Variants in RANBP6 observed in about 807,000 individuals in gnomAD.
RANBP6 encodes ran-binding protein 6.
RANBP6 carries 10 observed loss-of-function variants against 35.3 expected under a neutral mutation model. The ratio of observed to expected loss-of-function variants is 0.28; its 90% CI spans 0.17 to 0.48. RANBP6 has a LOEUF of 0.48. RANBP6 is among the 20% of genes least tolerant of loss of function. The pLI is 0.99. For synonymous variants in RANBP6, 514 were observed against 464.2 expected (o/e 1.11, Z -1.38); for missense variants, 1,392 against 1,307.7 (o/e 1.06, Z -0.99).
chr9:6,015,575 C>T lies in RANBP6; in HGVS notation c.33G>A (p.Ala11=). ...AAAACTCTTGCTTTTCTGACACGGT[C>T]GCCGGCACCCCTGCAGACGCGGTTG... The part of the protein sequence containing the change: MAATASAGVP[A]TVSEKQEFYQ... Residue 11 remains alanine, a synonymous_variant, in exon 1 of 1, where the codon GCG becomes GCA. Coordinates refer to ENST00000259569, the MANE Select transcript of RANBP6 (RefSeq NM_012416.4). 3 of 1,603,372 alleles carry T rather than the reference C, an allele frequency of 1.9e-6. No homozygotes were observed. The highest frequency in any genetic ancestry group is 2.2e-5 in the South Asian group (2 of 90,850).
At position 6,012,206 on chromosome 9, in the gene RANBP6, C is replaced by A; in HGVS notation, c.*84G>T. The A allele has an allele frequency of 3.7e-6, 4 of 1,073,236 alleles. No individual in the cohort carries two copies. The highest frequency in any genetic ancestry group is 5.2e-6 in the Non-Finnish European group (4 of 774,842). The allele number at this position is 1,073,236 out of a possible 1,614,324, so 66.5% of individuals were successfully genotyped here. On this transcript the variant is annotated 3_prime_UTR_variant, in exon 1 of 1. Transcript: ENST00000259569. ...ACTGCTTAGCAGGGAGAAAACAGTTCTCTGATTTATAATAAAATCTATTCA... is the reference window on the plus strand; with the variant it reads ...ACTGCTTAGCAGGGAGAAAACAGTTATCTGATTTATAATAAAATCTATTCA...
chr9:6,014,460 C>T lies in RANBP6; in HGVS notation c.1148G>A (p.Arg383Gln), dbSNP rs149409404. 1.9e-5 allele frequency: 30 copies of T among 1,614,064 alleles called. No homozygotes were observed. The highest frequency in any genetic ancestry group is 2.3e-5 in the Non-Finnish European group (27 of 1,180,060). ...AGATAAGGCCATTAATCCAGCATGT[C>T]GATACTTCCAGTCAGGGCTCTGAAG... is the stretch of plus-strand genomic sequence containing the variant. The part of the protein sequence containing the change: ...QMLQSPDWKY[R>Q]HAGLMALSAI... Residue 383 changes from arginine (R) to glutamine (Q), a missense_variant, in exon 1 of 1, where the codon CGA becomes CAA. Coordinates refer to ENST00000259569, the MANE Select transcript of RANBP6 (RefSeq NM_012416.4).
In RANBP6 at chr9:6,012,299, A is replaced by G. The variant is rs1348535222; in HGVS notation, c.3309T>C (p.Asn1103=). The change falls in exon 1 of 1, where the codon AAT becomes AAC. Residue 1103 remains asparagine, a synonymous_variant. Transcript: ENST00000259569. ...EQQEALQELL[N]FA is the part of the protein sequence containing the mutation. ...GTTATATTAAAGTGCTTCAAGCAAA[A>G]TTTAGCAACTCCTGTAAGGCTTCCT... 19 of 1,548,928 alleles carry G rather than the reference A, an allele frequency of 1.2e-5. No individual in the cohort carries two copies. Among genetic ancestry groups the G allele is most frequent in the Non-Finnish European group, 1.6e-5 (19 of 1,151,804 alleles).
rs1442961846 is a variant in RANBP6 at position 6,012,726 on chromosome 9, T to G, written c.2882A>C (p.Lys961Thr). 6.2e-7 allele frequency: 1 copy of G among 1,614,138 alleles called. No individual in the cohort carries two copies. The highest frequency in any genetic ancestry group is 1.1e-5 in the South Asian group (1 of 91,070). Reference protein sequence around the residue: ...LCSEAVPLLVKVIKCANSKTK... With the variant: ...LCSEAVPLLVTVIKCANSKTK... Reference sequence around the variant, plus strand: ...TTTGGAATTTGCACACTTAATAACTTTTACCAGAAGTGGAACAGCTTCTGA... The same window carrying G: ...TTTGGAATTTGCACACTTAATAACTGTTACCAGAAGTGGAACAGCTTCTGA... Residue 961 changes from lysine to threonine, a missense_variant, in exon 1 of 1, where the codon AAA becomes ACA. Transcript: ENST00000259569.
Position 6,013,648 on chromosome 9 carries a change from G to A in RANBP6, c.1960C>T (p.Gln654Ter). The change falls in exon 1 of 1, where the codon CAG becomes TAG. Residue 654 changes from glutamine (Q) to a stop codon, truncating the protein, a stop_gained. Coordinates refer to ENST00000259569, the MANE Select transcript of RANBP6 (RefSeq NM_012416.4). LOFTEE classifies it low-confidence loss of function (END_TRUNC). ...AKPDVALLDTQDVENMSDDDG... is the reference protein window; with the variant it reads ...AKPDVALLDT ...TCGTCACTCATATTTTCCACATCCT[G>A]TGTGTCTAAGAGAGCAACATCAGGT... 1 of 1,614,208 alleles carries A rather than the reference G, an allele frequency of 6.2e-7. No individual in the cohort carries two copies. Among genetic ancestry groups the A allele is most frequent in the Non-Finnish European group, 8.5e-7 (1 of 1,180,038 alleles).
chr9:6,014,924 T>G lies in RANBP6; in HGVS notation c.684A>C (p.Gly228=), dbSNP rs766011760. ...ATGAGTCATTCACAGCCTGTAAGAT[T>G]CCAGGAAGCAAGTCTGCAAAGTCTT... ...LFKDFADLLP[G]ILQAVNDSCY... Residue 228 remains glycine (G), a synonymous_variant, in exon 1 of 1, where the codon GGA becomes GGC. Transcript: ENST00000259569. The G allele has an allele frequency of 5.7e-5, 92 of 1,614,032 alleles. No individual in the cohort carries two copies. The highest frequency in any genetic ancestry group is 3.3e-5 in the Admixed American group (2 of 59,998).
Position 6,012,421 on chromosome 9 carries a change from C to A in RANBP6, c.3187G>T (p.Asp1063Tyr). The A allele has an allele frequency of 1.9e-6, 3 of 1,613,960 alleles. No homozygotes were observed. Among genetic ancestry groups the A allele is most frequent in the Non-Finnish European group, 2.5e-6 (3 of 1,179,910 alleles). Residue 1063 changes from aspartate to tyrosine, a missense_variant, in exon 1 of 1, where the codon GAT becomes TAT. Transcript: ENST00000259569. ...TTAGCTAGGCGTTTGGCACAAGGAT[C>A]CTCATAGTTAATAGTCTCATTAATT... is the stretch of plus-strand genomic sequence containing the variant. Reference protein sequence around the residue: ...GKINETINYEDPCAKRLANVV... With the variant: ...GKINETINYEYPCAKRLANVV...
rs1842553025 is a variant in RANBP6, at chr9:6,015,219, T to A, written c.389A>T (p.Asp130Val). 1 of 1,614,186 alleles carries A rather than the reference T, an allele frequency of 6.2e-7. No homozygotes were observed. Among genetic ancestry groups the A allele is most frequent in the Non-Finnish European group, 8.5e-7 (1 of 1,180,036 alleles). ...IFAVLARNLIDEDGTNHWPEG... is the reference protein window; with the variant it reads ...IFAVLARNLIVEDGTNHWPEG... ...CGGCCAGTGGTTAGTGCCATCCTCA[T>A]CTATCAAATTCCTGGCCAGCACTGC... Residue 130 changes from aspartate (D) to valine (V), a missense_variant, in exon 1 of 1, where the codon GAT (aspartate) becomes GTT (valine). Coordinates refer to ENST00000259569, the MANE Select transcript of RANBP6 (RefSeq NM_012416.4).
At position 6,014,663 on chromosome 9, in the gene RANBP6, A is replaced by G. The variant is rs766644387; in HGVS notation, c.945T>C (p.His315=). 8.1e-6 allele frequency: 13 copies of G among 1,614,068 alleles called. No homozygotes were observed. The Admixed American group carries it at 2.2e-4, about 27-fold the overall frequency. ...GTAGATCAACCATCATTGCTAATAT[A>G]TGAGGAACTGCCTGTGCAATAATAT... ...HTNIIAQAVP[H]ILAMMVDLQD... Residue 315 remains histidine (H), a synonymous_variant, in exon 1 of 1, where the codon CAT becomes CAC. Coordinates refer to ENST00000259569, the MANE Select transcript of RANBP6 (RefSeq NM_012416.4).
chr9:6,013,462 C>T lies in RANBP6; in HGVS notation c.2146G>A (p.Val716Ile). ...TGGAAATAAAATTTCAGTAAAGGAACCATCAGCTTCACAACTTGTTCTGTA... is the reference window on the plus strand; with the variant it reads ...TGGAAATAAAATTTCAGTAAAGGAATCATCAGCTTCACAACTTGTTCTGTA... Reference protein sequence around the residue: ...EYTEQVVKLMVPLLKFYFHDN... With the variant: ...EYTEQVVKLMIPLLKFYFHDN... Residue 716 changes from valine to isoleucine, a missense_variant, in exon 1 of 1, where the codon GTT becomes ATT. Coordinates refer to ENST00000259569, the MANE Select transcript of RANBP6 (RefSeq NM_012416.4). The T allele has an allele frequency of 6.2e-7, 1 of 1,614,212 alleles. No individual in the cohort carries two copies. Among genetic ancestry groups the T allele is most frequent in the South Asian group, 1.1e-5 (1 of 91,088 alleles).
Position 6,014,026 on chromosome 9 carries a change from C to T in RANBP6, c.1582G>A (p.Ala528Thr), listed in dbSNP as rs748357639. The change falls in exon 1 of 1, where the codon GCA becomes ACA. Residue 528 changes from alanine (A) to threonine (T), a missense_variant. By Grantham distance (58) the Ala-to-Thr change is moderately conservative (BLOSUM62 0). Transcript: ENST00000259569. The part of the protein sequence containing the change: ...EQLVTTIASV[A>T]DTIEEKFVPY... The stretch of plus-strand genomic sequence containing the variant: ...ACAAATTTTTCTTCTATTGTATCTG[C>T]AACTGATGCAATGGTTGTCACAAGT... 1.2e-6 allele frequency: 2 copies of T among 1,613,662 alleles called. No individual in the cohort carries two copies. Among genetic ancestry groups the T allele is most frequent in the African/African-American group, 1.3e-5 (1 of 74,934 alleles).
In RANBP6 at chr9:6,012,182, C is replaced by T; in HGVS notation, c.*108G>A. ...GAGAAACATGGAGAAGAACTATAAA[C>T]TGCTTAGCAGGGAGAAAACAGTTCT... On this transcript the variant is annotated 3_prime_UTR_variant, in exon 1 of 1. Coordinates refer to ENST00000259569, the MANE Select transcript of RANBP6 (RefSeq NM_012416.4). 1.2e-6 allele frequency: 1 copy of T among 829,446 alleles called. No homozygotes were observed. Among genetic ancestry groups the T allele is most frequent in the East Asian group, 2.8e-5 (1 of 35,682 alleles). The allele number at this position is 829,446 out of a possible 1,614,324, so 51.4% of individuals were successfully genotyped here. A position where few individuals can be genotyped will look rare whatever the true frequency, so the allele number is the denominator to read the frequency against.
Position 6,014,358 on chromosome 9 carries a change from T to C in RANBP6, c.1250A>G (p.Gln417Arg). ...ETVNSVLLFL[Q>R]DPHPRVRAAA... ...AGCCCTCACCCTTGGATGAGGATCC[T>C]GAAGAAAAAGCAAAACGGAGTTAAC... Residue 417 changes from glutamine to arginine, a missense_variant, in exon 1 of 1, where the codon CAG becomes CGG. Gln to Arg is a conservative substitution (Grantham distance 43). Coordinates refer to ENST00000259569, the MANE Select transcript of RANBP6 (RefSeq NM_012416.4). 1 of 1,613,788 alleles carries C rather than the reference T, an allele frequency of 6.2e-7. No individual in the cohort carries two copies. The highest frequency in any genetic ancestry group is 1.1e-5 in the South Asian group (1 of 91,084).
chr9:6,014,533 C>G lies in RANBP6; in HGVS notation c.1075G>C (p.Gly359Arg), dbSNP rs1842539303. The G allele has an allele frequency of 6.2e-7, 1 of 1,614,086 alleles. No homozygotes were observed. Among genetic ancestry groups the G allele is most frequent in the Non-Finnish European group, 8.5e-7 (1 of 1,180,002 alleles). ...SALDRLACGL[G>R]GKVVLPMTKE... is the part of the protein sequence containing the mutation. ...GTCATTGGTAAAACAACTTTTCCAC[C>G]AAGCCCACAAGCCAGTCTGTCTAGT... The change falls in exon 1 of 1, where the codon GGT becomes CGT. Residue 359 changes from glycine (G) to arginine (R), a missense_variant. Transcript: ENST00000259569.
In RANBP6 at chr9:6,012,500, A is replaced by G. The variant is rs1842491630; in HGVS notation, c.3108T>C (p.Ile1036=). 2 of 1,612,200 alleles carry G rather than the reference A, an allele frequency of 1.2e-6. No individual in the cohort carries two copies. The highest frequency in any genetic ancestry group is 1.7e-6 in the Non-Finnish European group (2 of 1,179,222). The stretch of plus-strand genomic sequence containing the variant: ...TGGGAAGATTGGAATTATTTGGACC[A>G]ATTACAACTGGGTGGTTACTTTCAA... ...DLIESNHPVV[I]GPNNSNLPKI... Residue 1036 remains isoleucine, a synonymous_variant, in exon 1 of 1, where the codon ATT becomes ATC. Transcript: ENST00000259569.
In RANBP6 at chr9:6,014,270, A is replaced by G. The variant is rs1842534069; in HGVS notation, c.1338T>C (p.Phe446=). ...TDFAPNFQKK[F]HETVIAALLR... ...ACAGAGCTGCAATCACTGTTTCATGAAATTTCTTTTGGAAATTAGGTGCAA... is the reference window on the plus strand; with the variant it reads ...ACAGAGCTGCAATCACTGTTTCATGGAATTTCTTTTGGAAATTAGGTGCAA... The change falls in exon 1 of 1, where the codon TTT becomes TTC. Residue 446 remains phenylalanine (F), a synonymous_variant. Transcript: ENST00000259569. 6.2e-7 allele frequency: 1 copy of G among 1,614,208 alleles called. No homozygotes were observed. Among genetic ancestry groups the G allele is most frequent in the Non-Finnish European group, 8.5e-7 (1 of 1,180,016 alleles).
Position 6,013,806 on chromosome 9 carries a change from T to C in RANBP6, c.1802A>G (p.Asn601Ser), listed in dbSNP as rs375643670. ...LLLKTQSDLN[N>S]MEDDDPQTSY... ...GGTCTGAGGGTCATCATCTTCCATA[T>C]TATTTAAGTCTGATTGTGTCTTCAA... Residue 601 changes from asparagine (N) to serine (S), a missense_variant, in exon 1 of 1, where the codon AAT becomes AGT. Transcript: ENST00000259569. The C allele has an allele frequency of 3.7e-6, 6 of 1,613,856 alleles. No homozygotes were observed. The highest frequency in any genetic ancestry group is 1.3e-5 in the African/African-American group (1 of 74,956).
Position 6,013,930 on chromosome 9 carries a change from G to A in RANBP6, c.1678C>T (p.Leu560Phe). The A allele has an allele frequency of 6.2e-7, 1 of 1,613,968 alleles. No individual in the cohort carries two copies. The highest frequency in any genetic ancestry group is 8.5e-7 in the Non-Finnish European group (1 of 1,180,032). ...CACTCGATAGTTTTTCCTCTCAGAA[G>A]CTTGAGTTCCTTCTGAACAGCAAGC... ...VELAVQKELKLLRGKTIECIS... is the reference protein window; with the variant it reads ...VELAVQKELKFLRGKTIECIS... Residue 560 changes from leucine (L) to phenylalanine (F), a missense_variant, in exon 1 of 1, where the codon CTT becomes TTT. By Grantham distance (22) the Leu-to-Phe change is conservative. Coordinates refer to ENST00000259569, the MANE Select transcript of RANBP6 (RefSeq NM_012416.4).
In RANBP6 at chr9:6,012,483, T is replaced by C. The variant is rs750960934; in HGVS notation, c.3125A>G (p.Asn1042Ser). 3.0e-5 allele frequency: 48 copies of C among 1,611,442 alleles called. No homozygotes were observed. The highest frequency in any genetic ancestry group is 5.1e-5 in the Admixed American group (3 of 59,360). The part of the protein sequence containing the change: ...HPVVIGPNNS[N>S]LPKIISIIAE... ...AATTATACTGATTATTTTGGGAAGA[T>C]TGGAATTATTTGGACCAATTACAAC... Residue 1042 changes from asparagine (N) to serine (S), a missense_variant, in exon 1 of 1, where the codon AAT becomes AGT. Transcript: ENST00000259569.
Sources: gnomAD v4.1 joint callset for allele counts on GRCh38, gnomAD v4.1.1 for gene constraint, MANE v1.5 for transcripts, NCBI Gene and HGNC (gene_info 2026-07-23, HGNC 2026-07-21) for gene names.